SLITRK6: variants seen among roughly 807,000 people sequenced by gnomAD.
SLITRK6 encodes the protein SLIT and NTRK-like protein 6.
A neutral mutation model predicts 55.6 loss-of-function variants in SLITRK6; 35 were observed. That is an observed-to-expected ratio of 0.63 (90% CI 0.48 to 0.83). The LOEUF (loss-of-function observed/expected upper bound fraction) is 0.83, where lower values mean the gene tolerates loss of function less well. Among genes scored for constraint, SLITRK6 ranks in the 40% least tolerant of loss-of-function variants. The probability of loss-of-function intolerance (pLI) is 0.00; values close to 1 mark genes in which losing one functional copy is unlikely to be tolerated. For missense variants in SLITRK6, 977 were observed against 986.4 expected, an observed-to-expected ratio of 0.99 and a Z score of 0.13; for synonymous variants, 392 against 359.6, an observed-to-expected ratio of 1.09 and a Z score of -1.02.
At position 85,795,414 on chromosome 13, in the gene SLITRK6, A is replaced by G; in HGVS notation, c.1095T>C (p.Pro365=). Reference sequence around the variant, plus strand: ...TATTTCCCGCTAGAATGAGCTTTCTAGGATTTTGCGGAGGAGGTCTCAGAT... The same window carrying G: ...TATTTCCCGCTAGAATGAGCTTTCTGGGATTTTGCGGAGGAGGTCTCAGAT... ...LSDLRPPPQN[P]RKLILAGNII... The change falls in exon 2 of 2, where the codon CCT becomes CCC. Residue 365 remains proline, a synonymous_variant. Transcript: ENST00000647374. 6.2e-7 allele frequency: 1 copy of G among 1,612,948 alleles called. No individual in the cohort carries two copies. The highest frequency in any genetic ancestry group is 8.5e-7 in the Non-Finnish European group (1 of 1,179,398).
In SLITRK6 at chr13:85,794,671, C is replaced by T. The variant is rs200690166; in HGVS notation, c.1838G>A (p.Gly613Glu). 10 of 1,613,196 alleles carry T rather than the reference C, an allele frequency of 6.2e-6. No homozygotes were observed. Among genetic ancestry groups the T allele is most frequent in the South Asian group, 1.1e-5 (1 of 91,064 alleles). ...DAVPLSVLIL[G>E]LLIMFITIVF... ...AATAGTGATGAACATAATCAGAAGT[C>T]CCAATATTAGAACAGACAGTGGCAC... is the stretch of plus-strand genomic sequence containing the variant. Residue 613 changes from glycine to glutamate, a missense_variant, in exon 2 of 2, where the codon GGA becomes GAA. Gly to Glu is a moderately conservative substitution (Grantham distance 98). Transcript: ENST00000647374.
rs372434788 is a variant in SLITRK6, at chr13:85,796,227, G to A, written c.282C>T (p.His94=). The change falls in exon 2 of 2, where the codon CAC becomes CAT. Residue 94 remains histidine, a synonymous_variant. Transcript: ENST00000647374. ...TATCTGCAATATTGTTAAATCCAAG[G>A]TGTATTGAAATAGCATTGGTAAGCC... is the stretch of plus-strand genomic sequence containing the variant. ...FSGLTNAISI[H]LGFNNIADIE... is the part of the protein sequence containing the mutation. 13 of 1,612,904 alleles carry A rather than the reference G, an allele frequency of 8.1e-6. No individual in the cohort carries two copies. The highest frequency in any genetic ancestry group is 8.0e-5 in the African/African-American group (6 of 74,806).
chr13:85,795,453 A>G lies in SLITRK6; in HGVS notation c.1056T>C (p.Ile352=), dbSNP rs201991167. 1.4e-5 allele frequency: 23 copies of G among 1,613,014 alleles called. No individual in the cohort carries two copies. Among genetic ancestry groups the G allele is most frequent in the Non-Finnish European group, 1.6e-5 (19 of 1,179,394 alleles). Residue 352 remains isoleucine (I), a synonymous_variant, in exon 2 of 2, where the codon ATT becomes ATC. Transcript: ENST00000647374. The part of the protein sequence containing the change: ...GLLIHCQERN[I]ESLSDLRPPP... Reference sequence around the variant, plus strand: ...GAGGTCTCAGATCTGATAAGCTTTCAATGTTGCGCTCCTGACAATGTATTA... The same window carrying G: ...GAGGTCTCAGATCTGATAAGCTTTCGATGTTGCGCTCCTGACAATGTATTA...
rs773877610 is a variant in SLITRK6, at chr13:85,795,912, A to C, written c.597T>G (p.Pro199=). 5 of 1,613,072 alleles carry C rather than the reference A, an allele frequency of 3.1e-6. No individual in the cohort carries two copies. The highest frequency in any genetic ancestry group is 4.2e-6 in the Non-Finnish European group (5 of 1,179,448). Residue 199 remains proline (P), a synonymous_variant, in exon 2 of 2, where the codon CCT becomes CCG. Transcript: ENST00000647374. ...CAATGTGTTCGAGAAAACCAACATA[A>C]GGCAATGTTTGTAATTGATTTCCAC... is the stretch of plus-strand genomic sequence containing the variant. ...DLRGNQLQTL[P]YVGFLEHIGR...
intron 1 of SLITRK6, 57 bp from the exon 2 acceptor site, chr13:85,796,589 G>A: frequency 1.5e-6 from 2 of 1,326,268 alleles, no homozygotes; most frequent in South Asian, 2.3e-5. Context: ...GGGAGGAGAT[G>A]AAGCTGATAT....
chr13:85,793,145 AAACCC>A lies in SLITRK6; in HGVS notation c.*833_*837del, dbSNP rs747265026. On this transcript the variant is annotated 3_prime_UTR_variant, in exon 2 of 2. Transcript: ENST00000647374. Reference sequence around the variant, plus strand: ...AAGAATTAAGCCTATGAAATAAAGCAAACCCAATATATTCTCTAGTCATATTTACA... The same window carrying A: ...AAGAATTAAGCCTATGAAATAAAGCAAATATATTCTCTAGTCATATTTACA... 5 of 152,322 alleles carry A rather than the reference AAACCC, an allele frequency of 3.3e-5. No individual in the cohort carries two copies. Among genetic ancestry groups the A allele is most frequent in the African/African-American group, 9.6e-5 (4 of 41,544 alleles). 9.4% of individuals were successfully genotyped at this position (152,322 alleles called of 1,614,324 possible).
At position 85,793,413 on chromosome 13, in the gene SLITRK6, C is replaced by G. The variant is rs1310972367; in HGVS notation, c.*570G>C. The G allele has an allele frequency of 5.3e-5, 8 of 152,212 alleles. No individual in the cohort carries two copies. The highest frequency in any genetic ancestry group is 1.9e-4 in the African/African-American group (8 of 41,356). 9.4% of individuals were successfully genotyped at this position (152,212 alleles called of 1,614,324 possible). The stretch of plus-strand genomic sequence containing the variant: ...TCAAATGTTCAAAGTTTTGAGCCAC[C>G]CATGGCCTATATAATTGCAACCTTT... On this transcript the variant is annotated 3_prime_UTR_variant, in exon 2 of 2. Coordinates refer to ENST00000647374, the MANE Select transcript of SLITRK6 (RefSeq NM_032229.3).
Position 85,795,687 on chromosome 13 carries a change from T to C in SLITRK6, c.822A>G (p.Glu274=), listed in dbSNP as rs778804188. 6.2e-7 allele frequency: 1 copy of C among 1,613,134 alleles called. No homozygotes were observed. The highest frequency in any genetic ancestry group is 2.2e-5 in the East Asian group (1 of 44,838). The part of the protein sequence containing the change: ...ESICPTPPVY[E]EHEDPSGSLH... ...ATGATCCTGAAGGATCCTCATGTTC[T>C]TCATACACTGGTGGAGTAGGGCAAA... The change falls in exon 2 of 2, where the codon GAA becomes GAG. Residue 274 remains glutamate (E), a synonymous_variant. Coordinates refer to ENST00000647374, the MANE Select transcript of SLITRK6 (RefSeq NM_032229.3).
In SLITRK6 at chr13:85,794,802, T is replaced by C; in HGVS notation, c.1707A>G (p.Leu569=). The change falls in exon 2 of 2, where the codon TTA becomes TTG. Residue 569 remains leucine (L), a synonymous_variant. Coordinates refer to ENST00000647374, the MANE Select transcript of SLITRK6 (RefSeq NM_032229.3). ...GTGTTGGCATGGATGGGTTATTTAC[T>C]AAACCTGGACAGAGAATTTCACTAT... ...ALNSEILCPG[L]VNNPSMPTQT... 2 of 1,613,272 alleles carry C rather than the reference T, an allele frequency of 1.2e-6. No homozygotes were observed. Among genetic ancestry groups the C allele is most frequent in the Non-Finnish European group, 8.5e-7 (1 of 1,179,558 alleles).
chr13:85,796,023 G>C lies in SLITRK6; in HGVS notation c.486C>G (p.Leu162=). ...EPSAFSKLNR[L]KVLILNDNAI... is the part of the protein sequence containing the mutation. ...CATTGTCATTTAAAATTAACACTTT[G>C]AGTCTGTTGAGCTTGCTAAAGGCAC... is the stretch of plus-strand genomic sequence containing the variant. Residue 162 remains leucine, a synonymous_variant, in exon 2 of 2, where the codon CTC becomes CTG. Transcript: ENST00000647374. 6.2e-7 allele frequency: 1 copy of C among 1,613,140 alleles called. No individual in the cohort carries two copies. Among genetic ancestry groups the C allele is most frequent in the East Asian group, 2.2e-5 (1 of 44,836 alleles).
Position 85,794,855 on chromosome 13 carries a change from G to C in SLITRK6, c.1654C>G (p.Leu552Val). 1 of 1,613,116 alleles carries C rather than the reference G, an allele frequency of 6.2e-7. No individual in the cohort carries two copies. Among genetic ancestry groups the C allele is most frequent in the Non-Finnish European group, 8.5e-7 (1 of 1,179,502 alleles). Residue 552 changes from leucine to valine, a missense_variant, in exon 2 of 2, where the codon CTC becomes GTC. By Grantham distance (32) the Leu-to-Val change is conservative. Coordinates refer to ENST00000647374, the MANE Select transcript of SLITRK6 (RefSeq NM_032229.3). ...AGGGCTTTCAATTCCTTTTTGTCGA[G>C]ATGCCCGGGGGAAGTGCAGAGGATG... Reference protein sequence around the residue: ...DDILCTSPGHLDKKELKALNS... With the variant: ...DDILCTSPGHVDKKELKALNS...
In SLITRK6 at chr13:85,795,308, C is replaced by T. The variant is rs1180198030; in HGVS notation, c.1201G>A (p.Val401Ile). ...TTCATAAACGATCCTTCTTCAAGAA[C>T]TTCAATACGATTGTTTCCCAAGTGA... ...MLHLGNNRIE[V>I]LEEGSFMNLT... is the part of the protein sequence containing the mutation. The change falls in exon 2 of 2, where the codon GTT (valine) becomes ATT (isoleucine). Residue 401 changes from valine (V) to isoleucine (I), a missense_variant. By Grantham distance (29) the Val-to-Ile change is conservative. Coordinates refer to ENST00000647374, the MANE Select transcript of SLITRK6 (RefSeq NM_032229.3). The T allele has an allele frequency of 1.9e-6, 3 of 1,612,630 alleles. No individual in the cohort carries two copies. Among genetic ancestry groups the T allele is most frequent in the Non-Finnish European group, 2.5e-6 (3 of 1,179,356 alleles).
intron 1 of SLITRK6, 83 bp from the exon 2 acceptor site, chr13:85,796,615 T>A: frequency 8.7e-7 from 1 of 1,152,320 alleles, no homozygotes; most frequent in Non-Finnish European, 1.1e-6. Flanking sequence ...AAATAATAGG[T>A]TTTTCTCCAA....
Position 85,796,278 on chromosome 13 carries a change from C to T in SLITRK6, c.231G>A (p.Thr77=). The T allele has an allele frequency of 6.2e-7, 1 of 1,611,556 alleles. No homozygotes were observed. Among genetic ancestry groups the T allele is most frequent in the South Asian group, 1.1e-5 (1 of 90,760 alleles). ...FQLSLLNNGL[T]MLHTNDFSGL... is the part of the protein sequence containing the mutation. Reference sequence around the variant, plus strand: ...CAGAAAAGTCATTTGTGTGAAGCATCGTCAAGCCGTTATTTAATAAGCTTA... The same window carrying T: ...CAGAAAAGTCATTTGTGTGAAGCATTGTCAAGCCGTTATTTAATAAGCTTA... The change falls in exon 2 of 2, where the codon ACG becomes ACA. Residue 77 remains threonine, a synonymous_variant. Transcript: ENST00000647374.
Position 85,795,425 on chromosome 13 carries a change from G to T in SLITRK6, c.1084C>A (p.Pro362Thr), listed in dbSNP as rs775661521. Residue 362 changes from proline (P) to threonine (T), a missense_variant, in exon 2 of 2, where the codon CCG becomes ACG. By Grantham distance (38) the Pro-to-Thr change is conservative. Transcript: ENST00000647374. ...AGAATGAGCTTTCTAGGATTTTGCG[G>T]AGGAGGTCTCAGATCTGATAAGCTT... ...IESLSDLRPP[P>T]QNPRKLILAG... 10 of 1,612,890 alleles carry T rather than the reference G, an allele frequency of 6.2e-6. No homozygotes were observed. In the East Asian group the frequency reaches 2.2e-4, roughly 36 times the overall value.
At position 85,795,125 on chromosome 13, in the gene SLITRK6, T is replaced by C. The variant is rs1874669161; in HGVS notation, c.1384A>G (p.Lys462Glu). The C allele has an allele frequency of 6.2e-6, 10 of 1,613,020 alleles. No homozygotes were observed. The highest frequency in any genetic ancestry group is 8.5e-6 in the Non-Finnish European group (10 of 1,179,358). ...PGTFNPMPKLKVLYLNNNLLQ... is the reference protein window; with the variant it reads ...PGTFNPMPKLEVLYLNNNLLQ... ...AGGTTGTTATTTAAATACAGGACTTTAAGTTTAGGCATTGGATTAAAGGTT... is the reference window on the plus strand; with the variant it reads ...AGGTTGTTATTTAAATACAGGACTTCAAGTTTAGGCATTGGATTAAAGGTT... Residue 462 changes from lysine to glutamate, a missense_variant, in exon 2 of 2, where the codon AAA becomes GAA. Transcript: ENST00000647374.
intron 1 of SLITRK6, among the ~76,000 whole-genome samples, chr13:85,797,151 C>CTATATATACA (rs1874751857): frequency 4.1e-5 from 6 of 145,146 alleles, no homozygotes; most frequent in Non-Finnish European, 9.1e-5. Flanking sequence ...TCGGTTTTGG[C>CTATATATACA]TATATATATA....
In SLITRK6 at chr13:85,794,248, G is replaced by A. The variant is rs369642690; in HGVS notation, c.2261C>T (p.Ser754Leu). ...TEFLSFQDAS[S>L]LYRNILEKER... is the part of the protein sequence containing the mutation. ...TTTTTCTAAAATGTTTCTGTACAAT[G>A]AGCTGGCATCTTGGAAGGATAAAAA... is the stretch of plus-strand genomic sequence containing the variant. Residue 754 changes from serine to leucine, a missense_variant, in exon 2 of 2, where the codon TCA (serine) becomes TTA (leucine). Physicochemically the swap from Ser to Leu is moderately radical, Grantham distance 145. Coordinates refer to ENST00000647374, the MANE Select transcript of SLITRK6 (RefSeq NM_032229.3). 2.4e-5 allele frequency: 39 copies of A among 1,613,120 alleles called. No individual in the cohort carries two copies. Among genetic ancestry groups the A allele is most frequent in the African/African-American group, 1.3e-4 (10 of 74,824 alleles).
At position 85,795,234 on chromosome 13, in the gene SLITRK6, T is replaced by C. The variant is rs760628796; in HGVS notation, c.1275A>G (p.Lys425=). The C allele has an allele frequency of 1.2e-6, 2 of 1,612,316 alleles. No homozygotes were observed. The highest frequency in any genetic ancestry group is 1.7e-6 in the Non-Finnish European group (2 of 1,179,268). The change falls in exon 2 of 2, where the codon AAA becomes AAG. Residue 425 remains lysine (K), a synonymous_variant. Coordinates refer to ENST00000647374, the MANE Select transcript of SLITRK6 (RefSeq NM_032229.3). ...KLYLNGNHLT[K]LSKGMFLGLH... is the part of the protein sequence containing the mutation. ...GACCAAGGAACATGCCTTTACTTAA[T>C]TTGGTCAGGTGGTTACCATTTAGAT...
Sources: allele counts gnomAD v4.1 joint callset (sites outside exome capture counted in the v4.1 genomes callset), GRCh38; gene constraint gnomAD v4.1.1; transcripts MANE v1.5; gene names NCBI Gene and HGNC (gene_info 2026-07-23, HGNC 2026-07-21).